SHANK2: variants seen among roughly 807,000 people sequenced by gnomAD.
The protein encoded by SHANK2 is SH3 and multiple ankyrin repeat domains protein 2.
Under a neutral mutation model 133.7 loss-of-function variants are expected in SHANK2, and 43 were observed. That is an observed-to-expected ratio of 0.32 (90% CI 0.25 to 0.41). The LOEUF is 0.41. SHANK2 is among the 10% of genes least tolerant of loss of function. SHANK2 has a pLI of 1.00. For synonymous variants in SHANK2, 1,017 were observed against 952.8 expected (o/e 1.07, Z -1.24); for missense variants, 1,994 against 2,235.8 (o/e 0.89, Z 2.18).
At chr11:70,663,638 G>C (rs1360849285) in intron 15 of SHANK2, among the ~76,000 whole-genome samples, 2 of 152,190 alleles carry the variant, frequency 1.3e-5, no homozygotes, top group African/African-American at 4.8e-5. Flanking sequence ...CCCGTTGTCA[G>C]CAGCTGGGAG....
chr11:71,071,881 GGA>G (rs1416404355), intron 9 of SHANK2, among the ~76,000 whole-genome samples: 1 of 152,120 alleles, frequency 6.6e-6, no homozygotes, highest in Non-Finnish European at 1.5e-5. Context: ...AGCCTGCAGA[GGA>G]TGGACCCTGG....
chr11:71,105,430 T>C (rs1555097614), intron 6 of SHANK2, among the ~76,000 whole-genome samples: 1 of 151,566 alleles, frequency 6.6e-6, no homozygotes, highest in Non-Finnish European at 1.5e-5. Context: ...CCATCTCTAC[T>C]AAAAATAAAA....
At chr11:70,615,053 C>T (rs762071599) in intron 17 of SHANK2, among the ~76,000 whole-genome samples, 38 of 152,334 alleles carry the variant, frequency 2.5e-4, no homozygotes, top group African/African-American at 4.6e-4. Context: ...AGAACCCATT[C>T]GTGGACATGC....
At chr11:71,135,528 C>A (rs1952421996) in intron 3 of SHANK2, among the ~76,000 whole-genome samples, 1 of 149,452 alleles carries the variant, frequency 6.7e-6, no homozygotes, top group African/African-American at 2.5e-5. Flanking sequence ...CTTTTGTCAC[C>A]CAGGCTGGAG....
intron 17 of SHANK2, among the ~76,000 whole-genome samples, chr11:70,527,999 C>T (rs1295450080): frequency 1.3e-5 from 2 of 152,230 alleles, no homozygotes; most frequent in Non-Finnish European, 2.9e-5. Context: ...ACCTGGAGAG[C>T]TGCCAGGAGC....
intron 8 of SHANK2, among the ~76,000 whole-genome samples, chr11:71,091,639 G>T (rs1951521560): frequency 6.6e-6 from 1 of 152,128 alleles, no homozygotes; most frequent in African/African-American, 2.4e-5. Flanking sequence ...CCTGCAGCCT[G>T]CACCACAGCA....
At chr11:70,633,091 G>A (rs2061020847) in intron 17 of SHANK2, among the ~76,000 whole-genome samples, 1 of 151,740 alleles carries the variant, frequency 6.6e-6, no homozygotes, top group South Asian at 2.1e-4. Flanking sequence ...GCAGAATAGT[G>A]TCTGCAGCTG....
At chr11:71,105,607 A>AG (rs1350005673) in intron 6 of SHANK2, among the ~76,000 whole-genome samples, 1 of 151,160 alleles carries the variant, frequency 6.6e-6, no homozygotes. Context: ...AAAAAAAAAA[A>AG]AAAAAAAGAA....
At chr11:70,611,185 C>T (rs1233391366) in intron 17 of SHANK2, among the ~76,000 whole-genome samples, 2 of 152,196 alleles carry the variant, frequency 1.3e-5, no homozygotes, top group African/African-American at 4.8e-5. Flanking sequence ...CAGATTTAAG[C>T]GCAAATGCCA....
chr11:70,897,361 C>G (rs1949951202), intron 10 of SHANK2, among the ~76,000 whole-genome samples: 1 of 152,212 alleles, frequency 6.6e-6, no homozygotes, highest in Non-Finnish European at 1.5e-5. Context: ...AATACACATA[C>G]ATCTACAATG....
intron 14 of SHANK2, among the ~76,000 whole-genome samples, chr11:70,783,745 A>T (rs1197675502): frequency 9.2e-5 from 14 of 152,152 alleles, no homozygotes; most frequent in Admixed American, 9.2e-4. Context: ...ATAACTGCCC[A>T]CTGGACGTGC....
At chr11:71,083,002 G>C (rs1951322717) in intron 8 of SHANK2, among the ~76,000 whole-genome samples, 1 of 145,204 alleles carries the variant, frequency 6.9e-6, no homozygotes, top group Non-Finnish European at 1.5e-5. Flanking sequence ...CTGGAGTACA[G>C]TGGCATAATC....
chr11:70,613,575 G>T (rs781944541), intron 17 of SHANK2, among the ~76,000 whole-genome samples: 3 of 152,202 alleles, frequency 2.0e-5, no homozygotes, highest in Middle Eastern at 3.4e-3. Flanking sequence ...GTGCAGCAGT[G>T]TTATGAGTTA....
intron 10 of SHANK2, among the ~76,000 whole-genome samples, chr11:70,916,154 T>C (rs566177571): frequency 6.6e-6 from 1 of 152,200 alleles, no homozygotes; most frequent in African/African-American, 2.4e-5. Flanking sequence ...AACCGGGCAA[T>C]GTGTCTACCT....
chr11:70,861,034 C>T (rs370542491), intron 11 of SHANK2, among the ~76,000 whole-genome samples: 15 of 152,314 alleles, frequency 9.8e-5, no homozygotes, highest in African/African-American at 3.4e-4. Flanking sequence ...GCAGCGCTGG[C>T]CTTTCCGGGC....
At chr11:70,955,309 C>G (rs1250583966) in intron 10 of SHANK2, among the ~76,000 whole-genome samples, 2 of 152,020 alleles carry the variant, frequency 1.3e-5, no homozygotes, top group African/African-American at 4.8e-5. Context: ...GTCCCTGTAT[C>G]CAAAAAACAG....
At chr11:71,108,358 G>T (rs1951833164) in intron 6 of SHANK2, among the ~76,000 whole-genome samples, 1 of 152,068 alleles carries the variant, frequency 6.6e-6, no homozygotes, top group Admixed American at 6.5e-5. Context: ...CTGAGCTCAG[G>T]CCTCTCTGCT....
At chr11:70,861,779 A>T (rs782171744) in intron 11 of SHANK2, among the ~76,000 whole-genome samples, 1 of 152,172 alleles carries the variant, frequency 6.6e-6, no homozygotes. Flanking sequence ...GCCACAAAAG[A>T]AAGGCAGGGA....
intron 11 of SHANK2, among the ~76,000 whole-genome samples, chr11:70,823,258 A>C: frequency 9.6e-6 from 1 of 104,484 alleles, no homozygotes; most frequent in Non-Finnish European, 1.9e-5. Flanking sequence ...TGGCGCTGGC[A>C]GAGTTCACGG....
Sources: allele counts gnomAD v4.1 joint callset (sites outside exome capture counted in the v4.1 genomes callset), GRCh38; gene constraint gnomAD v4.1.1; transcripts MANE v1.5; gene names NCBI Gene and HGNC (gene_info 2026-07-23, HGNC 2026-07-21).